SRGAP1: variants seen among roughly 807,000 people sequenced by gnomAD.
SRGAP1 encodes SLIT-ROBO Rho GTPase activating protein 1, also known as SLIT-ROBO Rho GTPase-activating protein 1.
In SRGAP1, 43 loss-of-function variants were observed where a neutral mutation model predicts 121.9. The ratio of observed to expected loss-of-function variants is 0.35; its 90% CI spans 0.28 to 0.46. The LOEUF (loss-of-function observed/expected upper bound fraction) is 0.46. SRGAP1 is among the 20% of genes least tolerant of loss of function. The pLI is 1.00. For missense variants in SRGAP1, 1,102 were observed against 1,350.9 expected (o/e 0.82, Z 2.89); for synonymous variants, 447 against 485.4 (o/e 0.92, Z 1.04).
At chr12:64,012,069 C>CA (rs1380708357) in intron 3 of SRGAP1, among the ~76,000 whole-genome samples, 3 of 151,388 alleles carry the variant, frequency 2.0e-5, no homozygotes, top group African/African-American at 7.3e-5. Flanking sequence ...GTCAAACAAA[C>CA]AAAAAAAATT....
chr12:63,913,701 A>G (rs1462959378), intron 1 of SRGAP1, among the ~76,000 whole-genome samples: 2 of 151,736 alleles, frequency 1.3e-5, no homozygotes, highest in South Asian at 2.1e-4. Flanking sequence ...TTTTATTGCA[A>G]TATTTGTACA....
intron 15 of SRGAP1, among the ~76,000 whole-genome samples, chr12:64,102,797 G>A (rs1281188999): frequency 3.9e-5 from 6 of 152,038 alleles, no homozygotes; most frequent in Non-Finnish European, 8.8e-5. Context: ...ACACTCCTAT[G>A]TACTTTTCAT....
chr12:64,091,115 A>G (rs1460850592), intron 11 of SRGAP1, among the ~76,000 whole-genome samples, 161 bp from the exon 12 acceptor site: 2 of 152,218 alleles, frequency 1.3e-5, no homozygotes, highest in East Asian at 3.8e-4. Flanking sequence ...TACAGAAGTG[A>G]AAGTAAATAA....
chr12:64,092,533 C>G (rs976886406), intron 12 of SRGAP1, among the ~76,000 whole-genome samples: 1 of 152,136 alleles, frequency 6.6e-6, no homozygotes, highest in African/African-American at 2.4e-5. Context: ...CTCTGGCAGC[C>G]TTAAAAATCA....
intron 21 of SRGAP1, among the ~76,000 whole-genome samples, chr12:64,139,683 T>C (rs571674653): frequency 0.039 from 5,889 of 151,726 alleles, 380 homozygotes; most frequent in African/African-American, 0.13. Flanking sequence ...TTCTCCCATT[T>C]TGTAGGTTGC....
chr12:64,057,779 T>C (rs1013846938), intron 6 of SRGAP1, among the ~76,000 whole-genome samples: 1 of 151,998 alleles, frequency 6.6e-6, no homozygotes, highest in Non-Finnish European at 1.5e-5. Context: ...TTCTGCAGAG[T>C]ATAGAAATGA....
intron 2 of SRGAP1, 144 bp from the exon 3 acceptor site, chr12:63,989,766 T>C: frequency 6.8e-6 from 4 of 587,028 alleles, no homozygotes; most frequent in Non-Finnish European, 1.2e-5. Context: ...GGCTGATAAG[T>C]GTCCTGGTCT....
At chr12:64,003,002 T>TGG (rs144156186) in intron 3 of SRGAP1, among the ~76,000 whole-genome samples, 2 of 132,152 alleles carry the variant, frequency 1.5e-5, no homozygotes, top group African/African-American at 2.8e-5. Flanking sequence ...ACAAAGATCT[T>TGG]GGGGGGGGTG....
At chr12:64,020,843 C>CAAAAAAAAAA (rs34144761) in intron 4 of SRGAP1, among the ~76,000 whole-genome samples, 7 of 70,008 alleles carry the variant, frequency 1.0e-4, no homozygotes, top group African/African-American at 2.1e-4. Context: ...GACTCCGTCT[C>CAAAAAAAAAA]AAAAAAAAAA....
At chr12:63,940,241 C>T (rs1363271478) in intron 1 of SRGAP1, among the ~76,000 whole-genome samples, 1 of 152,100 alleles carries the variant, frequency 6.6e-6, no homozygotes, top group African/African-American at 2.4e-5. Context: ...GTATTACAGG[C>T]GTGACCCATG....
At chr12:63,847,289 C>T (rs1898933716) in intron 1 of SRGAP1, among the ~76,000 whole-genome samples, 1 of 152,084 alleles carries the variant, frequency 6.6e-6, no homozygotes, top group South Asian at 2.1e-4. Context: ...CATCACTGCA[C>T]TCCAGTCTGG....
intron 6 of SRGAP1, among the ~76,000 whole-genome samples, chr12:64,046,645 G>A (rs1390055714): frequency 6.6e-6 from 1 of 152,142 alleles, no homozygotes; most frequent in African/African-American, 2.4e-5. Flanking sequence ...TGAGATGGGG[G>A]CCCCAGGGGA....
intron 1 of SRGAP1, among the ~76,000 whole-genome samples, chr12:63,861,934 C>T (rs544310798): frequency 5.3e-5 from 8 of 152,192 alleles, no homozygotes; most frequent in Non-Finnish European, 7.4e-5. Context: ...CCAGCCTGGC[C>T]GACATGGTAA....
Position 64,091,373 on chromosome 12 carries a change from G to T in SRGAP1, c.1534G>T (p.Val512Phe), listed in dbSNP as rs74691643. The stretch of plus-strand genomic sequence containing the variant: ...GTTTAATGGGGATTTGGAAACATTC[G>T]TCAAGGTACTGGCACCAGCCATCTG... ...KLFNGDLETF[V>F]KDSGQVIPLI... The change falls in exon 12 of 22, where the codon GTC becomes TTC. Residue 512 changes from valine (V) to phenylalanine (F), a missense_variant. Val to Phe is a conservative substitution (Grantham distance 50). This residue lies in a region of SRGAP1 where 747 missense variants were observed against 929.4 expected (regional missense o/e 0.80). Transcript: ENST00000355086. The T allele has an allele frequency of 3.1e-6, 5 of 1,602,974 alleles. No homozygotes were observed. In the African/African-American group the frequency reaches 4.0e-5, roughly 13 times the overall value.
chr12:63,984,024 C>T lies in SRGAP1; in HGVS notation c.145C>T (p.Leu49=), dbSNP rs142409169. Residue 49 remains leucine (L), a synonymous_variant, in exon 2 of 22, where the codon CTG becomes TTG. Coordinates refer to ENST00000355086, the MANE Select transcript of SRGAP1 (RefSeq NM_020762.4). ...GATGCGAGTTCAGCTTCTCCAGGATCTGCAAGATTTCTTCCGAAAAAAAGC... is the reference window on the plus strand; with the variant it reads ...GATGCGAGTTCAGCTTCTCCAGGATTTGCAAGATTTCTTCCGAAAAAAAGC... The part of the protein sequence containing the change: ...TEMRVQLLQD[L]QDFFRKKAEI... 6.0e-4 allele frequency: 944 copies of T among 1,577,814 alleles called. 1 individual carries two copies. Among genetic ancestry groups the T allele is most frequent in the South Asian group, 1.6e-3 (137 of 85,706 alleles).
chr12:63,996,826 C>T (rs1396708742), intron 3 of SRGAP1, among the ~76,000 whole-genome samples: 1 of 152,024 alleles, frequency 6.6e-6, no homozygotes, highest in East Asian at 1.9e-4. Flanking sequence ...TGGGTTTTAT[C>T]AACCCTATGA....
intron 1 of SRGAP1, among the ~76,000 whole-genome samples, chr12:63,870,505 C>G (rs1899811802): frequency 1.3e-5 from 2 of 150,358 alleles, no homozygotes; most frequent in African/African-American, 2.4e-5. Flanking sequence ...TTGCTAGTTT[C>G]CAAATGAAGA....
At chr12:63,884,408 A>T (rs777175111) in intron 1 of SRGAP1, among the ~76,000 whole-genome samples, 1 of 152,260 alleles carries the variant, frequency 6.6e-6, no homozygotes, top group Middle Eastern at 3.4e-3. Flanking sequence ...TTTTAAATTG[A>T]TGCATTGTAG....
intron 18 of SRGAP1, among the ~76,000 whole-genome samples, chr12:64,124,987 T>A (rs146755891): frequency 6.6e-6 from 1 of 152,296 alleles, no homozygotes; most frequent in Non-Finnish European, 1.5e-5. Flanking sequence ...TGTGTGTGTG[T>A]TTACTTAGAT....
Sources: allele counts gnomAD v4.1 joint callset (sites outside exome capture counted in the v4.1 genomes callset), GRCh38; gene constraint gnomAD v4.1.1; regional missense constraint gnomAD v4.1.1; transcripts MANE v1.5; gene names NCBI Gene and HGNC (gene_info 2026-07-23, HGNC 2026-07-21).